The following PLA2G4C variants were observed in gnomAD, a reference collection of about 807,000 sequenced individuals.
PLA2G4C encodes cytosolic phospholipase A2 gamma.
Under a neutral mutation model 73.8 loss-of-function variants are expected in PLA2G4C, and 64 were observed. The observed-to-expected ratio is 0.87, with a 90% CI of 0.71 to 1.07. PLA2G4C has a LOEUF of 1.07. Among genes scored for constraint, PLA2G4C ranks in the 50% least tolerant of loss-of-function variants. The pLI is 0.00. For synonymous variants in PLA2G4C, 254 were observed against 252.1 expected, an observed-to-expected ratio of 1.01 and a Z score of -0.07; for missense variants, 622 against 665.4, an observed-to-expected ratio of 0.93 and a Z score of 0.72.
At chr19:48,049,389 A>G (rs935086765) in intron 16 of PLA2G4C, among the ~76,000 whole-genome samples, 1 of 152,078 alleles carries the variant, frequency 6.6e-6, no homozygotes, top group Admixed American at 6.6e-5. Flanking sequence ...ACCCTTTCCT[A>G]AAAAGCTTTC....
chr19:48,054,801 C>A (rs1463628275), intron 15 of PLA2G4C, 77 bp downstream of exon 15: 2 of 1,319,712 alleles, frequency 1.5e-6, no homozygotes, highest in East Asian at 4.6e-5. Context: ...ATTACCCAGT[C>A]TCAGGTATGT....
chr19:48,095,205 G>A lies in PLA2G4C; in HGVS notation c.709+259C>T, dbSNP rs11564542. Among the ~76,000 whole-genome samples, 318 of 152,190 alleles carry A rather than the reference G, an allele frequency of 2.1e-3. 4 individuals are homozygous for A. The South Asian group carries it at 0.047, about 23-fold the overall frequency. ...TCTGCTTATTGGAAGCCACAGCCCT[G>A]GACTTGAGCCCCTCTATTAAGCTCC... On this transcript the variant is annotated intron_variant, in intron 7 of 16. Coordinates refer to ENST00000599921, the MANE Select transcript of PLA2G4C (RefSeq NM_003706.3).
At chr19:48,098,752 A>AAAAAG (rs2031744233) in intron 5 of PLA2G4C, among the ~76,000 whole-genome samples, 1 of 117,240 alleles carries the variant, frequency 8.5e-6, no homozygotes, top group East Asian at 2.5e-4. Flanking sequence ...AAAAAAAAAA[A>AAAAAG]TTTGTCAGGC....
intron 6 of PLA2G4C, chr19:48,096,664 C>A (rs1211814050): frequency 6.6e-6 from 1 of 152,274 alleles, no homozygotes; most frequent in East Asian, 1.9e-4. Flanking sequence ...CCACAGGTAA[C>A]TGGTAACATT....
At chr19:48,087,173 G>A (rs547966716) in intron 9 of PLA2G4C, among the ~76,000 whole-genome samples, 11 of 152,338 alleles carry the variant, frequency 7.2e-5, no homozygotes, top group African/African-American at 2.4e-4. Context: ...AGCAGGACTT[G>A]AAAATCAGAT....
chr19:48,091,353 T>TTTTTGTA (rs1276309396), intron 7 of PLA2G4C, among the ~76,000 whole-genome samples: 1 of 151,998 alleles, frequency 6.6e-6, no homozygotes, highest in Admixed American at 6.6e-5. Context: ...GCCCTGCTAA[T>TTTTTGTA]TTTTGTATTT....
At chr19:48,062,664 C>T (rs1159816975) in intron 13 of PLA2G4C, among the ~76,000 whole-genome samples, 1 of 152,090 alleles carries the variant, frequency 6.6e-6, no homozygotes. Context: ...ACCTCCAGTA[C>T]CTCAGAATGT....
At chr19:48,062,502 T>C (rs1299430944) in intron 13 of PLA2G4C, among the ~76,000 whole-genome samples, 3 of 151,968 alleles carry the variant, frequency 2.0e-5, no homozygotes, top group Non-Finnish European at 2.9e-5. Flanking sequence ...CACAGCTACT[T>C]GGGAGGCTGA....
chr19:48,055,870 C>T (rs3826831), intron 14 of PLA2G4C, among the ~76,000 whole-genome samples: 6,281 of 151,980 alleles, frequency 0.041, 172 homozygotes, highest in East Asian at 0.075. Context: ...GTGATCCGCT[C>T]GTCTCAGTCT....
chr19:48,098,920 C>CA (rs564158447), intron 5 of PLA2G4C, among the ~76,000 whole-genome samples: 16 of 145,458 alleles, frequency 1.1e-4, no homozygotes, highest in East Asian at 4.3e-4. Context: ...ACAAAACAAA[C>CA]AAAAAACAAC....
intron 6 of PLA2G4C, 43 bp from the exon 7 acceptor site, chr19:48,095,647 C>T (rs371629464): frequency 1.6e-4 from 254 of 1,605,994 alleles, no homozygotes; most frequent in Non-Finnish European, 2.0e-4. Context: ...AGCACAGAAC[C>T]AGGAATGTAG....
At position 48,088,690 on chromosome 19, in the gene PLA2G4C, C is replaced by G. The variant is rs1403360733; in HGVS notation, c.786G>C (p.Leu262=). ...YIFDQLRNLT[L]KGLWRRAVAN... The stretch of plus-strand genomic sequence containing the variant: ...ATGATGAAGTAGGATGCTTACCTTT[C>G]AGGGTCAGATTCCTTAACTGGTCTG... The change falls in exon 9 of 17, where the codon CTG becomes CTC. Residue 262 remains leucine, a synonymous_variant. Transcript: ENST00000599921. 1 of 1,608,984 alleles carries G rather than the reference C, an allele frequency of 6.2e-7. No individual in the cohort carries two copies. Among genetic ancestry groups the G allele is most frequent in the South Asian group, 1.1e-5 (1 of 90,966 alleles).
At chr19:48,068,303 C>CAAA (rs71181639) in intron 12 of PLA2G4C, among the ~76,000 whole-genome samples, 69 of 75,970 alleles carry the variant, frequency 9.1e-4, no homozygotes, top group African/African-American at 1.7e-3. Flanking sequence ...GACTCCATCT[C>CAAA]AAAAAAAAAA....
At position 48,096,221 on chromosome 19, in the gene PLA2G4C, A is replaced by G. The variant is rs1382444775; in HGVS notation, c.569-617T>C. Among the ~76,000 whole-genome samples, 3 of 152,104 alleles carry G rather than the reference A, an allele frequency of 2.0e-5. No individual in the cohort carries two copies. In the South Asian group the frequency reaches 6.2e-4, roughly 32 times the overall value. On this transcript the variant is annotated intron_variant, in intron 6 of 16. Transcript: ENST00000599921. ...ATGACTGAATTTGTGGGGCTTATGG[A>G]AAGGACGGAGTCAGCTGTATCTGCT...
chr19:48,101,126 A>ATT (rs544287174), intron 4 of PLA2G4C, among the ~76,000 whole-genome samples: 20 of 74,130 alleles, frequency 2.7e-4, no homozygotes, highest in African/African-American at 1.0e-3. Flanking sequence ...ATATATATAT[A>ATT]TTTTTTTTTT....
intron 16 of PLA2G4C, among the ~76,000 whole-genome samples, chr19:48,051,434 G>A (rs1330198830): frequency 6.6e-6 from 1 of 152,176 alleles, no homozygotes; most frequent in Non-Finnish European, 1.5e-5. Flanking sequence ...TTATCAGGTT[G>A]GCGCAAAAGT....
rs2307280 is a variant in PLA2G4C at position 48,054,902 on chromosome 19, G to A, written c.1405C>T (p.Leu469=). Residue 469 remains leucine (L), a synonymous_variant, in exon 15 of 17, where the codon CTG becomes TTG. Coordinates refer to ENST00000599921, the MANE Select transcript of PLA2G4C (RefSeq NM_003706.3). ...ETGPVVMHFP[L]FNIDACGGDI... ...CCTCCACAGGCATCTATGTTGAACAGGGGAAAATGCATCACCACTGGTCCA... is the reference window on the plus strand; with the variant it reads ...CCTCCACAGGCATCTATGTTGAACAAGGGAAAATGCATCACCACTGGTCCA... 0.013 allele frequency: 21,183 copies of A among 1,613,874 alleles called. 2,234 individuals are homozygous for A. The African/African-American group carries it at 0.24, about 18-fold the overall frequency.
intron 10 of PLA2G4C, among the ~76,000 whole-genome samples, chr19:48,079,396 A>G (rs1476842164): frequency 6.6e-6 from 1 of 152,198 alleles, no homozygotes; most frequent in Non-Finnish European, 1.5e-5. Context: ...TCTTCGACAA[A>G]GCAAACAAAA....
chr19:48,106,421 G>T, intron 2 of PLA2G4C, 101 bp downstream of exon 2: 2 of 930,830 alleles, frequency 2.1e-6, no homozygotes, highest in Non-Finnish European at 3.5e-6. Flanking sequence ...TCTCCACCAA[G>T]CGAGAGGAAC....
Sources: allele counts gnomAD v4.1 joint callset (sites outside exome capture counted in the v4.1 genomes callset), GRCh38; gene constraint gnomAD v4.1.1; transcripts MANE v1.5; gene names NCBI Gene and HGNC (gene_info 2026-07-23, HGNC 2026-07-21).